The following IKZF4 variants were observed in gnomAD, a reference collection of about 807,000 sequenced individuals.
The protein encoded by IKZF4 is zinc finger protein Eos.
In IKZF4, 11 loss-of-function variants were observed where a neutral mutation model predicts 47.7. That is an observed-to-expected ratio of 0.23 (90% CI 0.15 to 0.38). IKZF4 has a LOEUF of 0.38. IKZF4 is among the 10% of genes least tolerant of loss of function. The probability of loss-of-function intolerance (pLI) is 1.00; values close to 1 mark genes in which losing one functional copy is unlikely to be tolerated. For synonymous variants in IKZF4, 298 were observed against 299.4 expected, an observed-to-expected ratio of 1.00 and a Z score of 0.05; for missense variants, 557 against 784.9, an observed-to-expected ratio of 0.71 and a Z score of 3.47.
In IKZF4 at chr12:56,025,617, G is replaced by C. The variant is rs192476245; in HGVS notation, c.286+459G>C. ...TAGCCAGGAATGTAGGTCGGAGCTAGAGCCAAAGCCTTCTCCTCAATGGTT... is the reference window on the plus strand; with the variant it reads ...TAGCCAGGAATGTAGGTCGGAGCTACAGCCAAAGCCTTCTCCTCAATGGTT... On this transcript the variant is annotated intron_variant, in intron 3 of 7. Coordinates refer to ENST00000547167, the MANE Select transcript of IKZF4 (RefSeq NM_022465.4). Among the ~76,000 whole-genome samples, 521 of 152,216 alleles carry C rather than the reference G, an allele frequency of 3.4e-3. 2 individuals are homozygous for C. Among genetic ancestry groups the C allele is most frequent in the Non-Finnish European group, 5.3e-3 (358 of 68,014 alleles).
intron 2 of IKZF4, 199 bp from the exon 3 acceptor site, chr12:56,024,855 A>G: frequency 6.9e-7 from 1 of 1,457,782 alleles, no homozygotes. Context: ...AGGCCCAGCC[A>G]CTGAGCTCAC....
chr12:56,026,945 G>A lies in IKZF4; in HGVS notation c.451G>A (p.Gly151Ser), dbSNP rs1245130001. 1 of 1,612,096 alleles carries A rather than the reference G, an allele frequency of 6.2e-7. No individual in the cohort carries two copies. Among genetic ancestry groups the A allele is most frequent in the African/African-American group, 1.3e-5 (1 of 74,964 alleles). Reference protein sequence around the residue: ...GSGPEPHSPGGIRLPNGKLKC... With the variant: ...GSGPEPHSPGSIRLPNGKLKC... Reference sequence around the variant, plus strand: ...TGGGCCAGAGCCTCACTCCCCTGGGGGCATCCGGCTGCCCAATGGCAAGCT... The same window carrying A: ...TGGGCCAGAGCCTCACTCCCCTGGGAGCATCCGGCTGCCCAATGGCAAGCT... The change falls in exon 4 of 8, where the codon GGC becomes AGC. Residue 151 changes from glycine to serine, a missense_variant. Transcript: ENST00000547167.
At chr12:56,020,390 A>G (rs1321683500), upstream of IKZF4, among the ~76,000 whole-genome samples, 2 of 152,208 alleles carry the variant, frequency 1.3e-5, no homozygotes, top group Admixed American at 6.5e-5. Context: ...CAAGGGAAAC[A>G]GAGTTGCTGA....
chr12:56,021,137 C>T lies in IKZF4; in HGVS notation c.-357C>T, dbSNP rs1313186520. ...ATCTGCCTTTCCCTCCCTGTGCACA[C>T]ACCCACCACCCACCCCCTTCACTGT... is the stretch of plus-strand genomic sequence containing the variant. On this transcript the variant is annotated 5_prime_UTR_variant, in exon 1 of 8. Transcript: ENST00000547167. 18 of 1,411,286 alleles carry T rather than the reference C, an allele frequency of 1.3e-5. No individual in the cohort carries two copies. Among genetic ancestry groups the T allele is most frequent in the Middle Eastern group, 5.3e-4 (2 of 3,798 alleles). 87.4% of individuals were successfully genotyped at this position (1,411,286 alleles called of 1,614,324 possible).
chr12:56,024,751 C>T, intron 2 of IKZF4: 1 of 1,248,108 alleles, frequency 8.0e-7, no homozygotes, highest in South Asian at 1.6e-5. Flanking sequence ...CCATTTTCCT[C>T]TCCGCCCTGG....
chr12:56,010,628 C>T (rs1287744759), intron 1 of IKZF4: 3 of 152,070 alleles, frequency 2.0e-5, no homozygotes, highest in Non-Finnish European at 2.9e-5. Context: ...GCAGGGTGGC[C>T]CAAATCTTCC....
Position 56,021,172 on chromosome 12 carries a change from G to T in IKZF4, c.-322G>T. ...CCACCCCCTTCACTGTCTTGGAAAA[G>T]GGATGCTGTAGCCTAGCATCTCCCC... On this transcript the variant is annotated 5_prime_UTR_variant, in exon 1 of 8. It adds an upstream start codon to the 5' untranslated region. Coordinates refer to ENST00000547167, the MANE Select transcript of IKZF4 (RefSeq NM_022465.4). 2 of 1,320,470 alleles carry T rather than the reference G, an allele frequency of 1.5e-6. No homozygotes were observed. The allele number at this position is 1,320,470 out of a possible 1,614,324, so 81.8% of individuals were successfully genotyped here. A position where few individuals can be genotyped will look rare whatever the true frequency, so the allele number is the denominator to read the frequency against.
At chr12:56,033,344 G>C (rs73123262) in intron 7 of IKZF4, 23 bp downstream of exon 7, 1 of 1,613,474 alleles carries the variant, frequency 6.2e-7, no homozygotes, top group Non-Finnish European at 8.5e-7. Context: ...TTGGAAAGAC[G>C]TATCAGCTTT....
chr12:56,027,355 G>A (rs1240187133), intron 4 of IKZF4, among the ~76,000 whole-genome samples: 1 of 151,786 alleles, frequency 6.6e-6, no homozygotes, highest in Admixed American at 6.6e-5. Context: ...TGAGCCAATG[G>A]TCCAATAGGG....
intron 1 of IKZF4, chr12:56,011,379 T>A (rs922642933): frequency 1.3e-5 from 2 of 152,134 alleles, no homozygotes; most frequent in Admixed American, 1.3e-4. Context: ...TCGTTTCTTC[T>A]CCCACTCATA....
At chr12:56,019,301 T>A, upstream of IKZF4, 2 of 939,016 alleles carry the variant, frequency 2.1e-6, no homozygotes, top group Non-Finnish European at 2.5e-6. Context: ...ACCTATAGCT[T>A]ATTTTTTACT....
At chr12:56,025,673 C>T (rs1893848208) in intron 3 of IKZF4, among the ~76,000 whole-genome samples, 1 of 152,086 alleles carries the variant, frequency 6.6e-6, no homozygotes, top group African/African-American at 2.4e-5. Context: ...TGCCCTGCCT[C>T]AGAGTTTTAT....
upstream of IKZF4, among the ~76,000 whole-genome samples, chr12:56,020,067 G>A (rs116063609): frequency 4.0e-3 from 604 of 152,372 alleles, 8 homozygotes; most frequent in African/African-American, 0.014. Context: ...AGAGTCATAT[G>A]GAAGCAGAGG....
At chr12:56,011,611 C>A (rs184737729) in intron 2 of IKZF4, 1 of 152,298 alleles carries the variant, frequency 6.6e-6, no homozygotes, top group Admixed American at 6.5e-5. Context: ...GCTCCCCAAG[C>A]ACTTGGATAA....
Position 56,034,892 on chromosome 12 carries a change from G to T in IKZF4, c.1319G>T (p.Gly440Val). ...DGGPLLYRPR[G>V]PLTDPGASPS... The stretch of plus-strand genomic sequence containing the variant: ...GGTCCCCTCCTCTACCGGCCCCGAG[G>T]CCCCCTGACTGACCCTGGGGCATCC... The change falls in exon 8 of 8, where the codon GGC becomes GTC. Residue 440 changes from glycine (G) to valine (V), a missense_variant. Around this residue, in one of 6 missense-constraint regions of IKZF4, gnomAD observed 280 missense variants for 314.0 expected, o/e 0.89. Coordinates refer to ENST00000547167, the MANE Select transcript of IKZF4 (RefSeq NM_022465.4). 2 of 1,607,022 alleles carry T rather than the reference G, an allele frequency of 1.2e-6. No individual in the cohort carries two copies. Among genetic ancestry groups the T allele is most frequent in the Non-Finnish European group, 1.7e-6 (2 of 1,176,236 alleles).
At chr12:56,023,553 G>A (rs2136642710) in intron 1 of IKZF4, 118 bp from the exon 2 acceptor site, 1 of 1,234,740 alleles carries the variant, frequency 8.1e-7, no homozygotes, top group South Asian at 1.6e-5. Flanking sequence ...TATAGATAGT[G>A]AACATTTTTC....
At chr12:56,024,149 A>G (rs1387878458) in intron 2 of IKZF4, among the ~76,000 whole-genome samples, 3 of 152,250 alleles carry the variant, frequency 2.0e-5, no homozygotes, top group South Asian at 4.1e-4. Context: ...GAAAGCCTCA[A>G]AAAGCATTTT....
chr12:56,034,949 C>T lies in IKZF4; in HGVS notation c.1376C>T (p.Thr459Ile). 1 of 1,576,184 alleles carries T rather than the reference C, an allele frequency of 6.3e-7. No individual in the cohort carries two copies. Among genetic ancestry groups the T allele is most frequent in the Non-Finnish European group, 8.6e-7 (1 of 1,158,726 alleles). The change falls in exon 8 of 8, where the codon ACA becomes ATA. Residue 459 changes from threonine to isoleucine, a missense_variant. This residue lies in a region of IKZF4 where 280 missense variants were observed against 314.0 expected (regional missense o/e 0.89). Transcript: ENST00000547167. ...AATGGCTGCCAGGACTCCACAGACACAGAAAGCAACCACGAAGATCGGGTT... is the reference window on the plus strand; with the variant it reads ...AATGGCTGCCAGGACTCCACAGACATAGAAAGCAACCACGAAGATCGGGTT... The part of the protein sequence containing the change: ...PSNGCQDSTD[T>I]ESNHEDRVAG...
Position 56,023,766 on chromosome 12 carries a change from T to C in IKZF4, c.181+2T>C. 2 of 1,613,432 alleles carry C rather than the reference T, an allele frequency of 1.2e-6. No individual in the cohort carries two copies. The highest frequency in any genetic ancestry group is 1.7e-6 in the Non-Finnish European group (2 of 1,179,584). ...TAATGGAATCTTTATTTTGTGAAAG[T>C]AAGTATGTGCATAGCTGGGCAATTG... On this transcript the variant is annotated splice_donor_variant, in intron 2 of 7. Transcript: ENST00000547167. LOFTEE classifies it high-confidence loss of function.
Sources: gnomAD v4.1 joint callset for allele counts (sites outside exome capture counted in the v4.1 genomes callset) on GRCh38, gnomAD v4.1.1 for gene constraint, gnomAD v4.1.1 regional missense constraint, MANE v1.5 for transcripts, NCBI Gene and HGNC (gene_info 2026-07-23, HGNC 2026-07-21) for gene names.